Variants in GALNTL6 observed in about 807,000 individuals in gnomAD.
GALNTL6 encodes the protein polypeptide N-acetylgalactosaminyltransferase like 6.
In GALNTL6, 46 loss-of-function variants were observed where a neutral mutation model predicts 73.7. The observed-to-expected ratio is 0.62, with a 90% CI of 0.49 to 0.80. The LOEUF (loss-of-function observed/expected upper bound fraction) is 0.80. GALNTL6 is among the 30% of genes least tolerant of loss of function. GALNTL6 has a pLI of 0.00. For synonymous variants in GALNTL6, 259 were observed against 263.7 expected, an observed-to-expected ratio of 0.98 and a Z score of 0.17; for missense variants, 604 against 755.0, an observed-to-expected ratio of 0.80 and a Z score of 2.34.
chr4:172,207,878 G>T (rs185100901), intron 2 of GALNTL6, among the ~76,000 whole-genome samples: 2 of 152,126 alleles, frequency 1.3e-5, no homozygotes, highest in East Asian at 3.8e-4. Flanking sequence ...AAACTACAGC[G>T]TATTTTATTA....
chr4:172,553,920 T>C (rs913771999), intron 5 of GALNTL6, among the ~76,000 whole-genome samples: 2 of 152,108 alleles, frequency 1.3e-5, no homozygotes, highest in African/African-American at 4.8e-5. Flanking sequence ...CATGGTGGCA[T>C]GCACCTGTAT....
intron 10 of GALNTL6, among the ~76,000 whole-genome samples, chr4:172,984,566 T>A (rs1251669740): frequency 6.6e-6 from 1 of 152,148 alleles, no homozygotes; most frequent in African/African-American, 2.4e-5. Context: ...TTTCATCAGA[T>A]TCTCAAAAAG....
intron 10 of GALNTL6, among the ~76,000 whole-genome samples, chr4:172,981,634 C>T (rs1373609867): frequency 2.0e-5 from 3 of 152,112 alleles, no homozygotes; most frequent in Middle Eastern, 3.4e-3. Context: ...GAAGTGTGAA[C>T]CTTTCGACTT....
intron 2 of GALNTL6, among the ~76,000 whole-genome samples, chr4:172,048,284 G>C (rs968825466): frequency 6.6e-6 from 1 of 151,912 alleles, no homozygotes; most frequent in Non-Finnish European, 1.5e-5. Flanking sequence ...CAGAAGAAGA[G>C]ACCAAACTCC....
chr4:171,988,546 G>A (rs1024432196), intron 2 of GALNTL6, among the ~76,000 whole-genome samples: 3 of 152,134 alleles, frequency 2.0e-5, no homozygotes, highest in Non-Finnish European at 4.4e-5. Flanking sequence ...ATTGTGGAGG[G>A]AGGTATTGAG....
At chr4:172,554,333 A>C (rs1343987441) in intron 5 of GALNTL6, among the ~76,000 whole-genome samples, 1 of 152,208 alleles carries the variant, frequency 6.6e-6, no homozygotes, top group Non-Finnish European at 1.5e-5. Context: ...TTTCCTTTAT[A>C]AGTGGACATT....
intron 2 of GALNTL6, among the ~76,000 whole-genome samples, chr4:171,994,239 C>T (rs573093341): frequency 2.0e-5 from 3 of 152,036 alleles, no homozygotes; most frequent in African/African-American, 7.2e-5. Context: ...ACTGTTGGAG[C>T]GGCCACTCAA....
intron 5 of GALNTL6, among the ~76,000 whole-genome samples, chr4:172,554,268 C>T (rs753562838): frequency 3.3e-5 from 5 of 152,148 alleles, no homozygotes; most frequent in Non-Finnish European, 7.3e-5. Flanking sequence ...TCCTCACATT[C>T]TCATGAACTA....
intron 2 of GALNTL6, among the ~76,000 whole-genome samples, chr4:172,126,258 T>C (rs1378011314): frequency 6.6e-6 from 1 of 152,216 alleles, no homozygotes; most frequent in Non-Finnish European, 1.5e-5. Context: ...TTAGCATTTT[T>C]TTCTTATTTG....
chr4:172,369,511 C>T lies in GALNTL6; in HGVS notation c.553+20822C>T, dbSNP rs533066631. On this transcript the variant is annotated intron_variant, in intron 5 of 12. Coordinates refer to ENST00000506823, the MANE Select transcript of GALNTL6 (RefSeq NM_001034845.3). ...TTGGGCGGTCGATGGGAGTGGGCGC[C>T]GCGGAGCAGGGGGTGGCACCCGTCG... Among the ~76,000 whole-genome samples the T allele has an allele frequency of 9.3e-4, 142 of 152,302 alleles. 1 individual carries two copies. In the South Asian group the frequency reaches 0.016, roughly 17 times the overall value.
At chr4:172,950,335 G>A (rs148117579) in intron 9 of GALNTL6, among the ~76,000 whole-genome samples, 3 of 152,300 alleles carry the variant, frequency 2.0e-5, no homozygotes, top group Non-Finnish European at 4.4e-5. Flanking sequence ...AATTCTCACA[G>A]TCTCAAGGTC....
intron 2 of GALNTL6, among the ~76,000 whole-genome samples, chr4:172,073,498 G>A (rs1020578757): frequency 6.6e-5 from 10 of 152,156 alleles, no homozygotes; most frequent in Non-Finnish European, 8.8e-5. Context: ...GTGCCTTCTG[G>A]AGATAACAGC....
At chr4:171,944,235 C>A (rs1738636656) in intron 2 of GALNTL6, among the ~76,000 whole-genome samples, 1 of 151,824 alleles carries the variant, frequency 6.6e-6, no homozygotes, top group African/African-American at 2.4e-5. Context: ...ATTTTAATAC[C>A]TTATTAATTG....
rs148231598 is a variant in GALNTL6 at position 172,181,989 on chromosome 4, T to C, written c.139-47667T>C. Reference sequence around the variant, plus strand: ...GACTCGGCCTCCCAAAGTGCTGGGATTACAGGAGTGAGCCACCGCGCCCGG... The same window carrying C: ...GACTCGGCCTCCCAAAGTGCTGGGACTACAGGAGTGAGCCACCGCGCCCGG... On this transcript the variant is annotated intron_variant, in intron 2 of 12. Coordinates refer to ENST00000506823, the MANE Select transcript of GALNTL6 (RefSeq NM_001034845.3). Among the ~76,000 whole-genome samples the C allele has an allele frequency of 4.4e-3, 670 of 152,170 alleles. 7 individuals carry two copies. The highest frequency in any genetic ancestry group is 0.015 in the African/African-American group (640 of 41,504).
intron 2 of GALNTL6, among the ~76,000 whole-genome samples, chr4:171,854,092 A>G (rs538340665): frequency 1.3e-5 from 2 of 152,292 alleles, no homozygotes; most frequent in Admixed American, 6.5e-5. Flanking sequence ...ATATACGCAT[A>G]TACTCTTGCT....
chr4:172,707,692 G>A (rs1043442582), intron 5 of GALNTL6, among the ~76,000 whole-genome samples: 3 of 152,124 alleles, frequency 2.0e-5, no homozygotes, highest in African/African-American at 4.8e-5. Flanking sequence ...GTAATAGAGA[G>A]GGAGATTAGG....
At chr4:172,383,512 T>C (rs1297902684) in intron 5 of GALNTL6, among the ~76,000 whole-genome samples, 1 of 152,182 alleles carries the variant, frequency 6.6e-6, no homozygotes, top group Non-Finnish European at 1.5e-5. Context: ...ATTCTCAGGA[T>C]TCTCTATATA....
intron 10 of GALNTL6, among the ~76,000 whole-genome samples, chr4:172,994,317 G>C (rs1247110145): frequency 6.6e-6 from 1 of 152,210 alleles, no homozygotes; most frequent in Middle Eastern, 3.2e-3. Flanking sequence ...CTGCTGGTCA[G>C]TGTGACTTGG....
At chr4:172,814,641 T>C (rs1741500137) in intron 7 of GALNTL6, among the ~76,000 whole-genome samples, 1 of 152,144 alleles carries the variant, frequency 6.6e-6, no homozygotes, top group South Asian at 2.1e-4. Flanking sequence ...AAAAATATCG[T>C]CTTTTCATCA....
Sources: gnomAD v4.1 joint callset for allele counts (sites outside exome capture counted in the v4.1 genomes callset) on GRCh38, gnomAD v4.1.1 for gene constraint, MANE v1.5 for transcripts, NCBI Gene and HGNC (gene_info 2026-07-23, HGNC 2026-07-21) for gene names.